The following CRYBA4 variants were observed in gnomAD, a reference collection of about 807,000 sequenced individuals.
CRYBA4 encodes crystallin beta A4, also known as beta-crystallin A4.
Under a neutral mutation model 31.7 loss-of-function variants are expected in CRYBA4, and 30 were observed. The ratio of observed to expected loss-of-function variants is 0.95; its 90% confidence interval spans 0.71 to 1.28. The LOEUF (loss-of-function observed/expected upper bound fraction) is 1.28. Among genes scored for constraint, CRYBA4 ranks in the 50% most tolerant of loss-of-function variants. The pLI is 0.00. For synonymous variants in CRYBA4, 102 were observed against 102.3 expected, an observed-to-expected ratio of 1.00 and a Z score of 0.02; for missense variants, 225 against 260.7, an observed-to-expected ratio of 0.86 and a Z score of 0.94.
chr22:26,627,430 CTTTCTTTCTTTCTTTCCTTCTTTCTT>C (rs1929764585), intron 4 of CRYBA4, among the ~76,000 whole-genome samples: 12 of 91,174 alleles, frequency 1.3e-4, no homozygotes, highest in African/African-American at 5.8e-4. Flanking sequence ...CTTTCTTTTT[CTTTCTTTCTTTCTTTCCTTCTTTCTT>C]TTTCTTTCTT....
the CRYBA4 span, chr22:26,616,056 G>A: frequency 9.3e-7 from 1 of 1,075,510 alleles, no homozygotes; most frequent in Non-Finnish European, 1.4e-6. Context: ...AGGTGAAAGA[G>A]GAAGAGGAGG....
chr22:26,602,563 C>T, the CRYBA4 span, among the ~76,000 whole-genome samples: 1 of 151,218 alleles, frequency 6.6e-6, no homozygotes, highest in Middle Eastern at 3.4e-3. Context: ...TGCACTCCAG[C>T]CTGGGTGACA....
chr22:26,627,400 C>CT (rs1929754549), intron 4 of CRYBA4, among the ~76,000 whole-genome samples: 3 of 78,562 alleles, frequency 3.8e-5, no homozygotes, highest in Middle Eastern at 8.3e-3. Context: ...TTCTTTCTTT[C>CT]TTTCTTTCTT....
At chr22:26,603,580 T>C in the CRYBA4 span, among the ~76,000 whole-genome samples, 5 of 151,184 alleles carry the variant, frequency 3.3e-5, no homozygotes, top group African/African-American at 1.2e-4. Flanking sequence ...GGGATTGTCA[T>C]GGCTACTCAA....
chr22:26,618,254 C>A (rs1482111991), upstream of CRYBA4, among the ~76,000 whole-genome samples: 2 of 152,214 alleles, frequency 1.3e-5, no homozygotes, highest in East Asian at 3.9e-4. Context: ...ACCCTGACTC[C>A]TTTCTCAACA....
the CRYBA4 span, among the ~76,000 whole-genome samples, chr22:26,604,837 T>C: frequency 1.3e-5 from 2 of 152,180 alleles, no homozygotes; most frequent in African/African-American, 4.8e-5. Context: ...TGTTACGGTC[T>C]TGAGGGCCTT....
chr22:26,623,019 CA>C (rs1373080042), intron 2 of CRYBA4, among the ~76,000 whole-genome samples: 7 of 152,218 alleles, frequency 4.6e-5, no homozygotes, highest in African/African-American at 1.7e-4. Flanking sequence ...TCCCACTTGG[CA>C]ACCATTGGTG....
the CRYBA4 span, among the ~76,000 whole-genome samples, chr22:26,613,982 A>G: frequency 1.3e-5 from 2 of 152,194 alleles, no homozygotes; most frequent in Admixed American, 6.5e-5. Context: ...CGCTGCAGAG[A>G]TGAGATAGAC....
the CRYBA4 span, among the ~76,000 whole-genome samples, chr22:26,602,901 A>C: frequency 6.6e-6 from 1 of 151,948 alleles, no homozygotes; most frequent in Non-Finnish European, 1.5e-5. Context: ...AGGCGGGCAG[A>C]TCATGTGGTC....
At chr22:26,597,084 G>C in the CRYBA4 span, among the ~76,000 whole-genome samples, 1 of 152,198 alleles carries the variant, frequency 6.6e-6, no homozygotes, top group East Asian at 1.9e-4. Context: ...ATGAGGGAAG[G>C]TGAGTGAGAC....
chr22:26,598,629 C>G, the CRYBA4 span, among the ~76,000 whole-genome samples: 1 of 152,172 alleles, frequency 6.6e-6, no homozygotes, highest in Non-Finnish European at 1.5e-5. Context: ...AGTGATCTAC[C>G]CACCTCAGCC....
the CRYBA4 span, chr22:26,599,419 C>T: frequency 6.6e-7 from 1 of 1,513,860 alleles, no homozygotes; most frequent in Non-Finnish European, 9.0e-7. Context: ...ATTTTATTTG[C>T]CTGGGAAAAA....
intron 3 of CRYBA4, among the ~76,000 whole-genome samples, chr22:26,624,871 G>A (rs5761636): frequency 0.31 from 47,414 of 152,100 alleles, 8,123 homozygotes; most frequent in South Asian, 0.43. Flanking sequence ...TGCTGCTGTC[G>A]CCTGTGGGGA....
upstream of CRYBA4, among the ~76,000 whole-genome samples, chr22:26,620,715 G>A (rs1202212550): frequency 2.1e-5 from 3 of 141,814 alleles, no homozygotes; most frequent in Non-Finnish European, 4.6e-5. Flanking sequence ...AGGCGCCCGC[G>A]CTACTCCCGG....
At chr22:26,627,634 T>TTC (rs771986344) in intron 4 of CRYBA4, among the ~76,000 whole-genome samples, 2 of 131,774 alleles carry the variant, frequency 1.5e-5, no homozygotes, top group Non-Finnish European at 3.2e-5. Context: ...CCTTCCTTCC[T>TTC]TCTCTCTCTC....
At chr22:26,616,483 C>T in the CRYBA4 span, 2 of 654,122 alleles carry the variant, frequency 3.1e-6, no homozygotes, top group Admixed American at 4.7e-5. Flanking sequence ...GTTTTTCTTT[C>T]ATCCCTACTT....
chr22:26,611,544 G>A, the CRYBA4 span, among the ~76,000 whole-genome samples: 12 of 149,682 alleles, frequency 8.0e-5, no homozygotes, highest in Non-Finnish European at 1.2e-4. Flanking sequence ...GCGCAATCTC[G>A]GCTCACTGCA....
At chr22:26,628,588 G>A (rs1929823418) in intron 5 of CRYBA4, among the ~76,000 whole-genome samples, 158 bp downstream of exon 5, 1 of 152,064 alleles carries the variant, frequency 6.6e-6, no homozygotes, top group Non-Finnish European at 1.5e-5. Flanking sequence ...GAATTTGAGG[G>A]ACTGAAACCC....
the CRYBA4 span, among the ~76,000 whole-genome samples, chr22:26,604,900 T>G: frequency 6.6e-6 from 1 of 152,160 alleles, no homozygotes; most frequent in African/African-American, 2.4e-5. Flanking sequence ...AAGACTGAAC[T>G]TGCCACCACC....
Sources: allele counts gnomAD v4.1 joint callset (sites outside exome capture counted in the v4.1 genomes callset), GRCh38; gene constraint gnomAD v4.1.1; transcripts MANE v1.5; gene names NCBI Gene and HGNC (gene_info 2026-07-23, HGNC 2026-07-21).